The following PRKAR1B variants were observed in gnomAD, a reference collection of about 807,000 sequenced individuals.
PRKAR1B encodes the protein protein kinase cAMP-dependent type I regulatory subunit beta.
A neutral mutation model predicts 46.5 loss-of-function variants in PRKAR1B; 22 were observed. The observed-to-expected ratio is 0.47, with a 90% CI of 0.34 to 0.68. PRKAR1B has a LOEUF of 0.68. PRKAR1B is among the 30% of genes least tolerant of loss of function. PRKAR1B has a pLI of 0.01. For missense variants in PRKAR1B, 445 were observed against 535.6 expected (o/e 0.83, Z 1.67); for synonymous variants, 259 against 217.7 (o/e 1.19, Z -1.67).
At chr7:694,179 G>A (rs543266139) in intron 2 of PRKAR1B, among the ~76,000 whole-genome samples, 2 of 152,260 alleles carry the variant, frequency 1.3e-5, no homozygotes, top group South Asian at 2.1e-4. Flanking sequence ...CAGCTACTCG[G>A]GGGGCTGAGG....
intron 9 of PRKAR1B, among the ~76,000 whole-genome samples, chr7:568,930 C>CG (rs1779333200): frequency 6.7e-6 from 1 of 149,476 alleles, no homozygotes; most frequent in Non-Finnish European, 1.5e-5. Flanking sequence ...AATGGAAAGC[C>CG]GGGGCCCGCG....
At chr7:648,381 G>C (rs904358237) in intron 4 of PRKAR1B, among the ~76,000 whole-genome samples, 2 of 152,116 alleles carry the variant, frequency 1.3e-5, no homozygotes, top group African/African-American at 4.8e-5. Context: ...GGAGGCTGAG[G>C]CAGGCAGATC....
At chr7:564,942 G>A (rs1318620078) in intron 9 of PRKAR1B, among the ~76,000 whole-genome samples, 1 of 152,218 alleles carries the variant, frequency 6.6e-6, no homozygotes, top group African/African-American at 2.4e-5. Flanking sequence ...CATTCTGGGA[G>A]CCACTGTCTG....
intron 5 of PRKAR1B, among the ~76,000 whole-genome samples, 184 bp downstream of exon 5, chr7:607,207 G>C (rs1782138866): frequency 6.6e-6 from 1 of 152,052 alleles, no homozygotes; most frequent in African/African-American, 2.4e-5. Flanking sequence ...TCACCATGCT[G>C]GTCACCTGGA....
At chr7:610,228 G>A (rs1196896377) in intron 4 of PRKAR1B, among the ~76,000 whole-genome samples, 7 of 152,180 alleles carry the variant, frequency 4.6e-5, no homozygotes, top group African/African-American at 7.2e-5. Context: ...TTCCACTCAC[G>A]TGCTTCTACC....
chr7:630,826 G>A (rs1412146348), intron 4 of PRKAR1B, among the ~76,000 whole-genome samples: 1 of 152,162 alleles, frequency 6.6e-6, no homozygotes, highest in Non-Finnish European at 1.5e-5. Flanking sequence ...CCATCTCCAG[G>A]GAGCACCATC....
At chr7:636,036 A>G (rs71518337) in intron 4 of PRKAR1B, among the ~76,000 whole-genome samples, 1 of 10,174 alleles carries the variant, frequency 9.8e-5, no homozygotes, top group Non-Finnish European at 1.9e-4. Flanking sequence ...GGCCGCGCCC[A>G]CACGTCCTCC....
At chr7:595,548 C>T (rs1016468933) in intron 7 of PRKAR1B, among the ~76,000 whole-genome samples, 3 of 152,120 alleles carry the variant, frequency 2.0e-5, no homozygotes, top group Non-Finnish European at 4.4e-5. Flanking sequence ...AAGGGTCCTC[C>T]CCGGGCTCCC....
intron 1 of PRKAR1B, 29 bp downstream of exon 1, chr7:727,181 A>G: frequency 1.5e-6 from 2 of 1,337,934 alleles, no homozygotes; most frequent in South Asian, 1.7e-5. Context: ...CTGGCCGTGG[A>G]CCTGTGCGGC....
intron 4 of PRKAR1B, among the ~76,000 whole-genome samples, chr7:660,620 C>T (rs138321247): frequency 0.064 from 7,000 of 109,344 alleles, 714 homozygotes; most frequent in South Asian, 0.18. Context: ...TACTCTCCCC[C>T]CCATAGCACA....
intron 9 of PRKAR1B, among the ~76,000 whole-genome samples, chr7:557,297 C>T (rs752656481): frequency 3.3e-5 from 5 of 152,254 alleles, no homozygotes; most frequent in African/African-American, 9.6e-5. Flanking sequence ...GGTGGAGCCA[C>T]GACTCGGGAG....
chr7:603,043 T>C (rs1205502466), intron 6 of PRKAR1B: 2 of 152,216 alleles, frequency 1.3e-5, no homozygotes, highest in Non-Finnish European at 2.9e-5. Flanking sequence ...AAAGGGTTTG[T>C]CTCTTCCACA....
intron 2 of PRKAR1B, among the ~76,000 whole-genome samples, chr7:685,377 TATACATAC>T (rs1203533225): frequency 0.025 from 414 of 16,548 alleles, 3 homozygotes; most frequent in Admixed American, 0.036. Context: ...CATATATATA[TATACATAC>T]ATATATATAT....
intron 2 of PRKAR1B, among the ~76,000 whole-genome samples, chr7:693,271 A>C: frequency 6.7e-6 from 1 of 149,312 alleles, no homozygotes; most frequent in African/African-American, 2.5e-5. Flanking sequence ...GGTAAAAGTC[A>C]CATAACTTAA....
chr7:675,109 C>T (rs1786504397), intron 4 of PRKAR1B, among the ~76,000 whole-genome samples: 1 of 152,246 alleles, frequency 6.6e-6, no homozygotes, highest in Non-Finnish European at 1.5e-5. Context: ...CTCACGGAAA[C>T]ATCGGAGCAC....
chr7:720,657 G>A (rs896080681), intron 1 of PRKAR1B, among the ~76,000 whole-genome samples: 4 of 152,128 alleles, frequency 2.6e-5, no homozygotes, highest in African/African-American at 9.7e-5. Flanking sequence ...CATGTTGAAG[G>A]TCTGTTGTTT....
chr7:704,380 G>A (rs920535423), intron 2 of PRKAR1B, among the ~76,000 whole-genome samples: 4 of 152,122 alleles, frequency 2.6e-5, no homozygotes, highest in Admixed American at 1.3e-4. Context: ...ACCACCTCAG[G>A]AATGAAATAA....
At chr7:699,087 A>G (rs1195826480) in intron 2 of PRKAR1B, among the ~76,000 whole-genome samples, 1 of 152,234 alleles carries the variant, frequency 6.6e-6, no homozygotes, top group Non-Finnish European at 1.5e-5. Flanking sequence ...CAACCCCAGG[A>G]GAACCCTGCA....
intron 4 of PRKAR1B, among the ~76,000 whole-genome samples, chr7:656,651 G>A (rs562719721): frequency 4.3e-4 from 65 of 152,210 alleles, no homozygotes; most frequent in Non-Finnish European, 7.4e-4. Context: ...ATGAGTGAAT[G>A]GATGAATAAG....
Sources: gnomAD v4.1 joint callset for allele counts (sites outside exome capture counted in the v4.1 genomes callset) on GRCh38, gnomAD v4.1.1 for gene constraint, MANE v1.5 for transcripts, NCBI Gene and HGNC (gene_info 2026-07-23, HGNC 2026-07-21) for gene names.